The following BCAT1 variants were observed in gnomAD, a reference collection of about 807,000 sequenced individuals.
BCAT1 encodes branched chain amino acid transaminase 1, also known as branched-chain-amino-acid aminotransferase, cytosolic.
In BCAT1, 48 loss-of-function variants were observed where a neutral mutation model predicts 52.4. That is an observed-to-expected ratio of 0.92 (90% CI 0.73 to 1.16). The LOEUF is 1.16. Ranked by LOEUF, BCAT1 falls within the 50% of genes most tolerant of loss-of-function variation. The probability of loss-of-function intolerance (pLI) is 0.00; values close to 1 mark genes in which losing one functional copy is unlikely to be tolerated. For synonymous variants in BCAT1, 167 were observed against 161.3 expected (o/e 1.04, Z -0.27); for missense variants, 451 against 457.1 (o/e 0.99, Z 0.12).
chr12:24,927,388 C>A (rs1326645649), intron 1 of BCAT1, among the ~76,000 whole-genome samples: 2 of 152,144 alleles, frequency 1.3e-5, no homozygotes, highest in Admixed American at 6.5e-5. Context: ...TCTACATAGA[C>A]AAGCTACATA....
chr12:24,932,010 A>T (rs1023365652), intron 1 of BCAT1, among the ~76,000 whole-genome samples: 14 of 152,244 alleles, frequency 9.2e-5, no homozygotes, highest in Non-Finnish European at 1.5e-4. Flanking sequence ...GATACATTTA[A>T]CCTAAGTAAA....
At position 24,836,971 on chromosome 12, in the gene BCAT1, A is replaced by AAG. The variant is rs772552600; in HGVS notation, c.818-377_818-376dup. On this transcript the variant is annotated intron_variant, in intron 7 of 10. Coordinates refer to ENST00000261192, the MANE Select transcript of BCAT1 (RefSeq NM_005504.7). Reference sequence around the variant, plus strand: ...GAAAGAAAGAAAAGAGAAAGAAAGAAAGAGAGAGAGGGAGGGAGGGAGGAA... The same window carrying AAG: ...GAAAGAAAGAAAAGAGAAAGAAAGAAAGAGAGAGAGAGGGAGGGAGGGAGGAA... 1.1e-3 allele frequency among the ~76,000 whole-genome samples: 155 copies of AAG among 137,140 alleles called. 11 individuals are homozygous for AAG. Among genetic ancestry groups the AAG allele is most frequent in the African/African-American group, 4.2e-3 (153 of 36,386 alleles). The allele number at this position is 137,140 out of a possible 152,430, so 90.0% of individuals were successfully genotyped here.
chr12:24,871,134 T>C (rs1346537475), intron 5 of BCAT1, among the ~76,000 whole-genome samples: 5 of 139,128 alleles, frequency 3.6e-5, no homozygotes, highest in Admixed American at 1.4e-4. Context: ...TGAGAACAGA[T>C]CAAATGCCAA....
intron 1 of BCAT1, among the ~76,000 whole-genome samples, chr12:24,931,434 A>G (rs1185861061): frequency 1.3e-5 from 2 of 152,166 alleles, no homozygotes; most frequent in African/African-American, 4.8e-5. Context: ...GAAATCATCA[A>G]AGATATAGGA....
At chr12:24,824,276 C>CCTTCCT (rs1940288415) in intron 10 of BCAT1, among the ~76,000 whole-genome samples, 1 of 143,324 alleles carries the variant, frequency 7.0e-6, no homozygotes, top group African/African-American at 2.6e-5. Flanking sequence ...CATTCCCTCC[C>CCTTCCT]TCCCTCCCTC....
chr12:24,820,826 G>A (rs558033061), intron 10 of BCAT1, among the ~76,000 whole-genome samples: 2 of 69,278 alleles, frequency 2.9e-5, no homozygotes, highest in South Asian at 6.4e-4. Flanking sequence ...AATTTCATAC[G>A]GCTTTGCTAA....
At chr12:24,917,372 T>C (rs573327396) in intron 1 of BCAT1, among the ~76,000 whole-genome samples, 5 of 152,212 alleles carry the variant, frequency 3.3e-5, no homozygotes, top group African/African-American at 1.2e-4. Context: ...TTAGTAGAGA[T>C]GGGGTTTCAC....
intron 5 of BCAT1, 122 bp from the exon 6 acceptor site, chr12:24,850,071 A>G: frequency 1.0e-6 from 1 of 963,150 alleles, no homozygotes. Context: ...CTATTACCAT[A>G]CTTTTAAAAT....
chr12:24,898,564 G>A (rs1455703380), intron 2 of BCAT1, among the ~76,000 whole-genome samples: 2 of 94,394 alleles, frequency 2.1e-5, no homozygotes, highest in Admixed American at 3.5e-4. Context: ...TGCCCAGGCT[G>A]GAGTGCAGTG....
At chr12:24,925,446 TTATAGA>T (rs935677645) in intron 1 of BCAT1, among the ~76,000 whole-genome samples, 63 of 152,248 alleles carry the variant, frequency 4.1e-4, no homozygotes, top group African/African-American at 1.4e-3. Context: ...GATAGAAAGA[TTATAGA>T]TATAGATATA....
intron 5 of BCAT1, among the ~76,000 whole-genome samples, chr12:24,858,917 T>A (rs907827475): frequency 6.6e-6 from 1 of 152,226 alleles, no homozygotes; most frequent in African/African-American, 2.4e-5. Flanking sequence ...AAAATTAATC[T>A]TGTAAAAGAA....
At chr12:24,930,820 G>C (rs1023032326) in intron 1 of BCAT1, among the ~76,000 whole-genome samples, 1 of 150,762 alleles carries the variant, frequency 6.6e-6, no homozygotes, top group African/African-American at 2.4e-5. Context: ...AGGTTCTTTA[G>C]ATGTGTCAAA....
At chr12:24,918,439 A>T (rs1204090123) in intron 1 of BCAT1, among the ~76,000 whole-genome samples, 1 of 152,208 alleles carries the variant, frequency 6.6e-6, no homozygotes, top group African/African-American at 2.4e-5. Flanking sequence ...TTAACAACAT[A>T]TCCATATAAA....
intron 10 of BCAT1, among the ~76,000 whole-genome samples, chr12:24,825,244 T>A (rs1940341764): frequency 6.6e-6 from 1 of 152,130 alleles, no homozygotes; most frequent in South Asian, 2.1e-4. Context: ...ACTATTGCAA[T>A]AAACATGGGA....
chr12:24,831,617 C>T (rs547960808), intron 9 of BCAT1, among the ~76,000 whole-genome samples: 3 of 152,168 alleles, frequency 2.0e-5, no homozygotes, highest in South Asian at 4.2e-4. Flanking sequence ...CCCCTGCACT[C>T]CAGTACAGGT....
chr12:24,890,579 A>G (rs1390546700), intron 3 of BCAT1, among the ~76,000 whole-genome samples: 5 of 152,168 alleles, frequency 3.3e-5, no homozygotes, highest in African/African-American at 1.2e-4. Flanking sequence ...TAGCATGCTA[A>G]CAGACACTCC....
intron 1 of BCAT1, chr12:24,902,189 A>C: frequency 7.0e-7 from 1 of 1,433,852 alleles, no homozygotes; most frequent in Non-Finnish European, 9.1e-7. Context: ...GCAAAGAACA[A>C]AAAAACAATT....
At position 24,832,882 on chromosome 12, in the gene BCAT1, A is replaced by C. The variant is rs1428922756; in HGVS notation, c.904-19T>G. 6.3e-7 allele frequency: 1 copy of C among 1,591,156 alleles called. No homozygotes were observed. Among genetic ancestry groups the C allele is most frequent in the East Asian group, 2.3e-5 (1 of 44,238 alleles). On this transcript the variant is annotated intron_variant, in intron 8 of 10. Transcript: ENST00000261192. ...ATTCACCCTGCATGGAATATAAAAAATAACAAGTATATTTTAAAGGAAAAG... is the reference window on the plus strand; with the variant it reads ...ATTCACCCTGCATGGAATATAAAAACTAACAAGTATATTTTAAAGGAAAAG...
At chr12:24,942,350 G>A (rs934006501) in intron 1 of BCAT1, among the ~76,000 whole-genome samples, 4 of 152,070 alleles carry the variant, frequency 2.6e-5, no homozygotes, top group Non-Finnish European at 5.9e-5. Flanking sequence ...AGACCAGCCT[G>A]GCCAACATGG....
Sources: allele counts gnomAD v4.1 joint callset (sites outside exome capture counted in the v4.1 genomes callset), GRCh38; gene constraint gnomAD v4.1.1; transcripts MANE v1.5; gene names NCBI Gene and HGNC (gene_info 2026-07-23, HGNC 2026-07-21).